The following WWC2 variants were observed in gnomAD, a reference collection of about 807,000 sequenced individuals.
WWC2 encodes the protein protein WWC2.
WWC2 carries 101 observed loss-of-function variants against 138.5 expected under a neutral mutation model. The ratio of observed to expected loss-of-function variants is 0.73; its 90% confidence interval spans 0.62 to 0.86. The LOEUF is 0.86. WWC2 is among the 40% of genes least tolerant of loss of function. The pLI is 0.00. For missense variants in WWC2, 1,420 were observed against 1,419.4 expected (o/e 1.00, Z -0.01); for synonymous variants, 558 against 538.4 (o/e 1.04, Z -0.50).
Position 183,278,730 on chromosome 4 carries a change from G to C in WWC2, c.2563-2046G>C, listed in dbSNP as rs376020185. On this transcript the variant is annotated intron_variant, in intron 16 of 22. Coordinates refer to ENST00000403733, the MANE Select transcript of WWC2 (RefSeq NM_024949.6). The stretch of plus-strand genomic sequence containing the variant: ...GTTGGATTCCTAGGTATTTTATTCT[G>C]TTTGAAGCAATTGTGAATGGGAATT... Among the ~76,000 whole-genome samples the C allele has an allele frequency of 1.7e-4, 26 of 151,952 alleles. 1 individual carries two copies. Among genetic ancestry groups the C allele is most frequent in the African/African-American group, 4.3e-4 (18 of 41,388 alleles).
At chr4:183,171,174 A>C (rs1454384141) in intron 1 of WWC2, among the ~76,000 whole-genome samples, 3 of 152,210 alleles carry the variant, frequency 2.0e-5, no homozygotes, top group Non-Finnish European at 4.4e-5. Context: ...CTTTCCAATT[A>C]GACTCAGTCT....
chr4:183,290,725 T>TGCCA (rs1738420386), intron 21 of WWC2, among the ~76,000 whole-genome samples: 1 of 152,200 alleles, frequency 6.6e-6, no homozygotes, highest in South Asian at 2.1e-4. Flanking sequence ...ATATTACAAA[T>TGCCA]GCCAAAACAT....
In WWC2 at chr4:183,289,436, C is replaced by G. The variant is rs771619813; in HGVS notation, c.3185C>G (p.Pro1062Arg). 4 of 1,612,182 alleles carry G rather than the reference C, an allele frequency of 2.5e-6. No individual in the cohort carries two copies. In the African/African-American group the frequency reaches 5.3e-5, roughly 22 times the overall value. ...SVLRRTTQEC[P>R]VRTSLDLELD... ...CTTAGAAGAACAACACAGGAATGCC[C>G]AGTGCGGACATCTCTAGACTTAGAA... Residue 1062 changes from proline (P) to arginine (R), a missense_variant, in exon 21 of 23, where the codon CCA (proline) becomes CGA (arginine). By Grantham distance (103) the Pro-to-Arg change is moderately radical. Coordinates refer to ENST00000403733, the MANE Select transcript of WWC2 (RefSeq NM_024949.6).
chr4:183,312,079 A>G (rs917370779), intron 21 of WWC2, among the ~76,000 whole-genome samples: 1 of 152,224 alleles, frequency 6.6e-6, no homozygotes, highest in Admixed American at 6.5e-5. Flanking sequence ...TTTCAGATGT[A>G]GTAAAATTGT....
chr4:183,267,510 A>G (rs1052162840), intron 14 of WWC2, among the ~76,000 whole-genome samples: 2 of 152,240 alleles, frequency 1.3e-5, no homozygotes, highest in African/African-American at 2.4e-5. Context: ...GAAACAATAA[A>G]CAGTGAGAAC....
At chr4:183,310,315 T>C (rs1396093490) in intron 21 of WWC2, among the ~76,000 whole-genome samples, 1 of 152,134 alleles carries the variant, frequency 6.6e-6, no homozygotes, top group African/African-American at 2.4e-5. Flanking sequence ...AGGGAGTCAA[T>C]GAGAACTCTA....
chr4:183,309,425 C>G (rs1451362997), intron 21 of WWC2, among the ~76,000 whole-genome samples: 2 of 152,188 alleles, frequency 1.3e-5, no homozygotes, highest in Non-Finnish European at 2.9e-5. Flanking sequence ...CGGCAAAAGA[C>G]CTGAACAGAC....
chr4:183,183,243 C>G (rs6818010), intron 1 of WWC2, among the ~76,000 whole-genome samples: 149,500 of 152,314 alleles, frequency 0.98, 73,422 homozygotes, highest in Middle Eastern at 1. Context: ...CATAGGTAAA[C>G]GTGTGCCATG....
intron 8 of WWC2, 114 bp downstream of exon 8, chr4:183,250,107 A>G: frequency 1.1e-6 from 1 of 946,662 alleles, no homozygotes; most frequent in Non-Finnish European, 1.6e-6. Context: ...TACCAAGGCC[A>G]CCCTTCGGTT....
At chr4:183,267,695 G>A (rs576074765) in intron 14 of WWC2, among the ~76,000 whole-genome samples, 5 of 152,306 alleles carry the variant, frequency 3.3e-5, no homozygotes, top group East Asian at 1.9e-4. Flanking sequence ...TGATACCTGC[G>A]TAGTGTAGGA....
At chr4:183,100,094 G>A (rs1358936091) in intron 1 of WWC2, among the ~76,000 whole-genome samples, 1 of 152,258 alleles carries the variant, frequency 6.6e-6, no homozygotes, top group Non-Finnish European at 1.5e-5. Flanking sequence ...GCTCTTGGCG[G>A]GGGCGCCCAG....
chr4:183,308,212 G>A (rs988628214), intron 21 of WWC2, among the ~76,000 whole-genome samples: 1 of 152,110 alleles, frequency 6.6e-6, no homozygotes, highest in Non-Finnish European at 1.5e-5. Context: ...TCTGATGAAA[G>A]AAAATGTAAA....
chr4:183,289,285 T>C lies in WWC2; in HGVS notation c.3142-108T>C, dbSNP rs1004225597. ...TGCTCCTGCCCCTTAGGCCCTGGCT[T>C]CTAGGGTGCAAGGAAGCACCATCCA... On this transcript the variant is annotated intron_variant, in intron 20 of 22. Coordinates refer to ENST00000403733, the MANE Select transcript of WWC2 (RefSeq NM_024949.6). 21 of 1,468,790 alleles carry C rather than the reference T, an allele frequency of 1.4e-5. No individual in the cohort carries two copies. In the African/African-American group the frequency reaches 2.7e-4, roughly 19 times the overall value. 91.0% of individuals were successfully genotyped at this position (1,468,790 alleles called of 1,614,324 possible).
At chr4:183,202,160 G>A (rs1042123474) in intron 2 of WWC2, among the ~76,000 whole-genome samples, 1 of 152,100 alleles carries the variant, frequency 6.6e-6, no homozygotes, top group African/African-American at 2.4e-5. Flanking sequence ...CTGGGTTATG[G>A]GAATGGTCTC....
chr4:183,197,715 A>G (rs1401230423), intron 2 of WWC2, among the ~76,000 whole-genome samples: 3 of 152,204 alleles, frequency 2.0e-5, no homozygotes, highest in Non-Finnish European at 4.4e-5. Context: ...ACTTTTTGGT[A>G]GAGTCAGAGT....
At chr4:183,293,428 C>G (rs987522868) in intron 21 of WWC2, among the ~76,000 whole-genome samples, 1 of 152,152 alleles carries the variant, frequency 6.6e-6, no homozygotes, top group Non-Finnish European at 1.5e-5. Context: ...TGAGAAAAGT[C>G]AGTGCTCCTT....
rs376689776 is a variant in WWC2 at position 183,201,233 on chromosome 4, C to T, written c.242-6720C>T. Among the ~76,000 whole-genome samples, 6 of 151,678 alleles carry T rather than the reference C, an allele frequency of 4.0e-5. No homozygotes were observed. The East Asian group carries it at 9.8e-4, about 25-fold the overall frequency. On this transcript the variant is annotated intron_variant, in intron 2 of 22. Transcript: ENST00000403733. ...TTCTTGGCTGGAGGGTCTGTCCATC[C>T]TGTACATCTCTTGTTTAGACATCAG... is the stretch of plus-strand genomic sequence containing the variant.
Position 183,319,456 on chromosome 4 carries a change from C to T in WWC2, c.*3727C>T. The T allele has an allele frequency of 7.9e-7, 1 of 1,272,094 alleles. No homozygotes were observed. The highest frequency in any genetic ancestry group is 1.5e-5 in the African/African-American group (1 of 66,950). 78.8% of individuals were successfully genotyped at this position (1,272,094 alleles called of 1,614,324 possible). Reference sequence around the variant, plus strand: ...ATAGCCACAGGAAAAGATGCATTTTCAAAAATCAAAAGCACAGTGAGATGA... The same window carrying T: ...ATAGCCACAGGAAAAGATGCATTTTTAAAAATCAAAAGCACAGTGAGATGA... On this transcript the variant is annotated 3_prime_UTR_variant, in exon 23 of 23. Coordinates refer to ENST00000403733, the MANE Select transcript of WWC2 (RefSeq NM_024949.6).
intron 16 of WWC2, among the ~76,000 whole-genome samples, chr4:183,278,833 G>C (rs372076364): frequency 1.3e-5 from 2 of 151,472 alleles, no homozygotes; most frequent in African/African-American, 2.4e-5. Flanking sequence ...GATTTTGTAT[G>C]CTGAGACTTT....
Sources: gnomAD v4.1 joint callset for allele counts (sites outside exome capture counted in the v4.1 genomes callset) on GRCh38, gnomAD v4.1.1 for gene constraint, MANE v1.5 for transcripts, NCBI Gene and HGNC (gene_info 2026-07-23, HGNC 2026-07-21) for gene names.